Variants in IL1RAPL2 observed in about 807,000 individuals in gnomAD.
The protein encoded by IL1RAPL2 is interleukin 1 receptor accessory protein like 2, also known as X-linked interleukin-1 receptor accessory protein-like 2.
Under a neutral mutation model 44.1 loss-of-function variants are expected in IL1RAPL2, and 3 were observed. That is an observed-to-expected ratio of 0.07 (90% CI 0.03 to 0.18). IL1RAPL2 has a LOEUF of 0.18. Ranked by LOEUF, IL1RAPL2 falls within the 10% of genes least tolerant of loss-of-function variation. The pLI is 1.00. For synonymous variants in IL1RAPL2, 181 were observed against 178.8 expected, an observed-to-expected ratio of 1.01 and a Z score of -0.10; for missense variants, 391 against 496.4, an observed-to-expected ratio of 0.79 and a Z score of 2.02.
chrX:104,578,274 A>G (rs1171011783), intron 1 of IL1RAPL2, among the ~76,000 whole-genome samples: 2 of 112,222 alleles, frequency 1.8e-5, no homozygotes, highest in African/African-American at 6.5e-5. Context: ...TGCTCAAACA[A>G]TGATAGGGGC....
At chrX:105,739,865 G>C (rs1335773165) in intron 7 of IL1RAPL2, among the ~76,000 whole-genome samples, 2 of 101,510 alleles carry the variant, frequency 2.0e-5, no homozygotes, top group East Asian at 3.1e-4. Context: ...TATATACCCA[G>C]TAATGGGATG....
At chrX:104,582,640 C>T (rs955503594) in intron 1 of IL1RAPL2, among the ~76,000 whole-genome samples, 16 of 52,611 alleles carry the variant, frequency 3.0e-4, no homozygotes, top group Middle Eastern at 8.4e-3. Context: ...TTCTTTCTTT[C>T]TCTCTTTCTT....
At chrX:105,573,525 T>C (rs2037029599) in intron 6 of IL1RAPL2, among the ~76,000 whole-genome samples, 1 of 111,409 alleles carries the variant, frequency 9.0e-6, no homozygotes, top group African/African-American at 3.3e-5. Flanking sequence ...AGGAAACTCA[T>C]GCGAATGTTA....
chrX:105,505,684 T>G (rs760670017), intron 6 of IL1RAPL2, among the ~76,000 whole-genome samples: 1 of 110,795 alleles, frequency 9.0e-6, no homozygotes, highest in East Asian at 2.9e-4. Context: ...AGGTAAGGAG[T>G]AGTCTTATCA....
chrX:104,653,085 C>G (rs778930033), intron 1 of IL1RAPL2, among the ~76,000 whole-genome samples: 1 of 111,010 alleles, frequency 9.0e-6, no homozygotes, highest in East Asian at 2.9e-4. Context: ...TCTATGGGCA[C>G]TATATAAACA....
chrX:104,717,673 C>A (rs971722828), intron 2 of IL1RAPL2, among the ~76,000 whole-genome samples: 1 of 109,118 alleles, frequency 9.2e-6, no homozygotes, highest in Non-Finnish European at 1.9e-5. Flanking sequence ...AGGTTTGTTA[C>A]ATATGTATAC....
At chrX:105,372,909 C>T (rs1386563175) in intron 5 of IL1RAPL2, among the ~76,000 whole-genome samples, 2 of 112,350 alleles carry the variant, frequency 1.8e-5, no homozygotes, top group Non-Finnish European at 3.8e-5. Context: ...TGCTTTATCC[C>T]TTCTACCATT....
chrX:104,944,215 A>T (rs1285803146), intron 2 of IL1RAPL2, among the ~76,000 whole-genome samples: 1 of 111,935 alleles, frequency 8.9e-6, no homozygotes, highest in East Asian at 2.8e-4. Flanking sequence ...CATTTTGAAT[A>T]TTTATACCTC....
At chrX:104,892,870 C>A (rs999116312) in intron 2 of IL1RAPL2, among the ~76,000 whole-genome samples, 1 of 111,635 alleles carries the variant, frequency 9.0e-6, no homozygotes, top group Non-Finnish European at 1.9e-5. Flanking sequence ...CTCTAGTTCT[C>A]TTAATTGTGA....
intron 6 of IL1RAPL2, among the ~76,000 whole-genome samples, chrX:105,679,504 G>T (rs2147522030): frequency 8.9e-6 from 1 of 112,082 alleles, no homozygotes; most frequent in South Asian, 3.7e-4. Flanking sequence ...ATGGAGTAAA[G>T]GAATGTTGAC....
At chrX:105,401,735 A>G (rs1010799) in intron 5 of IL1RAPL2, among the ~76,000 whole-genome samples, 25,259 of 109,821 alleles carry the variant, frequency 0.23, 2,900 homozygotes, top group Non-Finnish European at 0.34. Flanking sequence ...TTGGCCAAGT[A>G]TATGAAATTC....
At chrX:104,886,657 AAGC>A (rs1923253959) in intron 2 of IL1RAPL2, among the ~76,000 whole-genome samples, 1 of 112,096 alleles carries the variant, frequency 8.9e-6, no homozygotes, top group African/African-American at 3.2e-5. Context: ...ATACCAGAGG[AAGC>A]AGAATGGTTC....
At chrX:105,604,157 T>A (rs2037275057) in intron 6 of IL1RAPL2, among the ~76,000 whole-genome samples, 1 of 108,357 alleles carries the variant, frequency 9.2e-6, no homozygotes, top group Admixed American at 9.8e-5. Context: ...ATAAATAATA[T>A]CAGAACAGAA....
intron 5 of IL1RAPL2, among the ~76,000 whole-genome samples, chrX:105,324,870 G>C (rs963031866): frequency 8.9e-5 from 10 of 111,846 alleles, no homozygotes; most frequent in Non-Finnish European, 1.9e-4. Flanking sequence ...TACTAGTCTT[G>C]GCCACTTCAC....
chrX:104,613,806 G>GTTTTTTTT (rs60588678), intron 1 of IL1RAPL2, among the ~76,000 whole-genome samples: 5 of 61,882 alleles, frequency 8.1e-5, no homozygotes, highest in African/African-American at 1.3e-4. Flanking sequence ...TCCAGGGCAT[G>GTTTTTTTT]TTTTTTTTTT....
chrX:105,497,265 CA>C (rs1198038549), intron 6 of IL1RAPL2, among the ~76,000 whole-genome samples: 1 of 110,688 alleles, frequency 9.0e-6, no homozygotes, highest in Non-Finnish European at 1.9e-5. Flanking sequence ...ACTTTGTCAA[CA>C]AATTCGAAAA....
intron 6 of IL1RAPL2, among the ~76,000 whole-genome samples, chrX:105,505,425 A>G (rs1425184359): frequency 2.7e-5 from 3 of 111,858 alleles, no homozygotes; most frequent in Non-Finnish European, 3.8e-5. Flanking sequence ...GAGAACATCT[A>G]TTACATTGTG....
chrX:104,782,379 G>T (rs955729024), intron 2 of IL1RAPL2, among the ~76,000 whole-genome samples: 25 of 111,218 alleles, frequency 2.2e-4, no homozygotes, highest in African/African-American at 7.8e-4. Context: ...CAGATACTCT[G>T]GACATTGCAG....
chrX:105,644,656 G>A (rs768316256), intron 6 of IL1RAPL2, among the ~76,000 whole-genome samples: 33 of 109,966 alleles, frequency 3.0e-4, no homozygotes, highest in Admixed American at 1.9e-4. Context: ...TGTGCAGAAC[G>A]CGCAGGTTTG....
Sources: allele counts gnomAD v4.1 joint callset (sites outside exome capture counted in the v4.1 genomes callset), GRCh38; gene constraint gnomAD v4.1.1; transcripts MANE v1.5; gene names NCBI Gene and HGNC (gene_info 2026-07-23, HGNC 2026-07-21).